FGD4: variants seen among roughly 807,000 people sequenced by gnomAD.
FGD4 encodes the protein FYVE, RhoGEF and PH domain-containing protein 4.
Under a neutral mutation model 102.0 loss-of-function variants are expected in FGD4, and 42 were observed. That is an observed-to-expected ratio of 0.41 (90% confidence interval 0.32 to 0.53). The LOEUF is 0.53. Among genes scored for constraint, FGD4 ranks in the 20% least tolerant of loss-of-function variants. FGD4 has a pLI of 0.21. For synonymous variants in FGD4, 380 were observed against 375.7 expected, an observed-to-expected ratio of 1.01 and a Z score of -0.13; for missense variants, 902 against 1,078.2, an observed-to-expected ratio of 0.84 and a Z score of 2.29.
chr12:32,425,103 T>C (rs1218422939), intron 1 of FGD4, among the ~76,000 whole-genome samples: 1 of 152,238 alleles, frequency 6.6e-6, no homozygotes, highest in Non-Finnish European at 1.5e-5. Flanking sequence ...ATTTTGGCTT[T>C]TGTTGCCATT....
chr12:32,406,352 G>C (rs1263704775), intron 1 of FGD4, among the ~76,000 whole-genome samples: 1 of 151,762 alleles, frequency 6.6e-6, no homozygotes, highest in African/African-American at 2.4e-5. Context: ...TCAGGAGTTT[G>C]AGACCAGCCT....
chr12:32,525,694 G>A (rs995018296), intron 1 of FGD4, among the ~76,000 whole-genome samples: 11 of 152,208 alleles, frequency 7.2e-5, no homozygotes, highest in South Asian at 2.1e-4. Context: ...AGCGGGAACC[G>A]GGGCTGCGTG....
intron 10 of FGD4, among the ~76,000 whole-genome samples, chr12:32,615,118 A>C (rs746654922): frequency 5.9e-5 from 9 of 152,242 alleles, no homozygotes; most frequent in Non-Finnish European, 1.0e-4. Context: ...TGGTATGTTC[A>C]TGCAATGAAA....
At chr12:32,538,881 C>T (rs971613659) in intron 1 of FGD4, among the ~76,000 whole-genome samples, 6 of 152,034 alleles carry the variant, frequency 3.9e-5, no homozygotes, top group Non-Finnish European at 5.9e-5. Context: ...CGTGAAACTC[C>T]GTCTCTAGTA....
At chr12:32,604,824 C>G (rs1948663772) in intron 7 of FGD4, among the ~76,000 whole-genome samples, 1 of 152,088 alleles carries the variant, frequency 6.6e-6, no homozygotes, top group Non-Finnish European at 1.5e-5. Flanking sequence ...CCGTTCTTAC[C>G]CAAAGTTCAA....
At chr12:32,530,437 C>T (rs1328812418) in intron 1 of FGD4, among the ~76,000 whole-genome samples, 2 of 152,108 alleles carry the variant, frequency 1.3e-5, no homozygotes, top group South Asian at 2.1e-4. Flanking sequence ...GAGCTGAGAT[C>T]GCACCACTGC....
At chr12:32,616,843 A>G (rs1450062361) in intron 10 of FGD4, among the ~76,000 whole-genome samples, 1 of 152,196 alleles carries the variant, frequency 6.6e-6, no homozygotes, top group African/African-American at 2.4e-5. Context: ...ATCACAGAAC[A>G]CCTGAGACTG....
intron 7 of FGD4, among the ~76,000 whole-genome samples, chr12:32,607,353 C>T (rs1023079894): frequency 6.6e-6 from 1 of 152,060 alleles, no homozygotes; most frequent in Non-Finnish European, 1.5e-5. Flanking sequence ...ACTACTTGGG[C>T]CCAGGAGGCA....
intron 3 of FGD4, among the ~76,000 whole-genome samples, chr12:32,580,625 T>C (rs559246862): frequency 3.9e-5 from 6 of 152,184 alleles, no homozygotes; most frequent in South Asian, 2.1e-4. Context: ...CGGTGGCTCA[T>C]GCCTATAATC....
intron 1 of FGD4, among the ~76,000 whole-genome samples, chr12:32,562,665 C>T (rs1000510213): frequency 6.6e-6 from 1 of 152,166 alleles, no homozygotes; most frequent in Non-Finnish European, 1.5e-5. Flanking sequence ...CATCCTGCAC[C>T]GCCCTTAATC....
At chr12:32,407,785 C>T (rs574818036) in intron 1 of FGD4, among the ~76,000 whole-genome samples, 1 of 152,200 alleles carries the variant, frequency 6.6e-6, no homozygotes, top group South Asian at 2.1e-4. Flanking sequence ...GAGGTGAGCT[C>T]AACCGACCTG....
At chr12:32,495,906 A>G (rs1266923312) in intron 1 of FGD4, among the ~76,000 whole-genome samples, 1 of 152,138 alleles carries the variant, frequency 6.6e-6, no homozygotes, top group African/African-American at 2.4e-5. Flanking sequence ...AAATGTCATA[A>G]TTAGATACAC....
intron 1 of FGD4, among the ~76,000 whole-genome samples, chr12:32,457,849 A>G (rs1238419205): frequency 6.6e-6 from 1 of 152,200 alleles, no homozygotes; most frequent in Non-Finnish European, 1.5e-5. Context: ...CTTGGAGAGT[A>G]TCTGGTGCCT....
chr12:32,538,253 G>C (rs1347429569), intron 1 of FGD4, among the ~76,000 whole-genome samples: 2 of 152,092 alleles, frequency 1.3e-5, no homozygotes, highest in African/African-American at 4.8e-5. Context: ...TTGTTGTGGT[G>C]TTCACTGCTA....
intron 15 of FGD4, chr12:32,637,839 C>G (rs1950934645): frequency 6.6e-6 from 1 of 152,102 alleles, no homozygotes; most frequent in South Asian, 2.1e-4. Flanking sequence ...CCCCATGATC[C>G]AGTTACCTCC....
At chr12:32,635,052 A>G (rs1950722918) in intron 15 of FGD4, among the ~76,000 whole-genome samples, 1 of 152,236 alleles carries the variant, frequency 6.6e-6, no homozygotes, top group Non-Finnish European at 1.5e-5. Context: ...GTAAGCGTAC[A>G]AGTATACCTG....
chr12:32,594,551 T>C (rs894654734), intron 4 of FGD4, among the ~76,000 whole-genome samples: 1 of 152,084 alleles, frequency 6.6e-6, no homozygotes, highest in Admixed American at 6.6e-5. Flanking sequence ...CCTGAAACCA[T>C]CCCTCTCTCC....
At chr12:32,517,711 G>C (rs1377487273) in intron 1 of FGD4, among the ~76,000 whole-genome samples, 1 of 152,048 alleles carries the variant, frequency 6.6e-6, no homozygotes, top group Non-Finnish European at 1.5e-5. Context: ...TGGGCAACAA[G>C]GTGAAACCCT....
chr12:32,495,147 A>G (rs571371650), intron 1 of FGD4, among the ~76,000 whole-genome samples: 1 of 152,174 alleles, frequency 6.6e-6, no homozygotes, highest in South Asian at 2.1e-4. Flanking sequence ...GCATGATCTC[A>G]TTGATCTTCC....
Sources: allele counts gnomAD v4.1 joint callset (sites outside exome capture counted in the v4.1 genomes callset), GRCh38; gene constraint gnomAD v4.1.1; transcripts MANE v1.5; gene names NCBI Gene and HGNC (gene_info 2026-07-23, HGNC 2026-07-21).